SYT1: variants seen among roughly 807,000 people sequenced by gnomAD.
SYT1 encodes the protein synaptotagmin-1.
Under a neutral mutation model 44.8 loss-of-function variants are expected in SYT1, and 8 were observed. That is an observed-to-expected ratio of 0.18 (90% CI 0.10 to 0.32). The LOEUF is 0.32. Ranked by LOEUF, SYT1 falls within the 10% of genes least tolerant of loss-of-function variation. The probability of loss-of-function intolerance (pLI) is 1.00; values close to 1 mark genes in which losing one functional copy is unlikely to be tolerated. For synonymous variants in SYT1, 154 were observed against 188.8 expected, an observed-to-expected ratio of 0.82 and a Z score of 1.51; for missense variants, 286 against 509.3, an observed-to-expected ratio of 0.56 and a Z score of 4.22.
In SYT1 at chr12:79,165,027, G is replaced by A. The variant is rs553091796; in HGVS notation, c.-17-52476G>A. On this transcript the variant is annotated intron_variant, in intron 3 of 10. Transcript: ENST00000261205. ...AGAGGAATCTTATACTGGAATCCCT[G>A]TGGAAGTGAGAGGAAAGCAATAATA... 1.4e-4 allele frequency among the ~76,000 whole-genome samples: 22 copies of A among 152,130 alleles called. No homozygotes were observed. In the South Asian group the frequency reaches 4.6e-3, roughly 32 times the overall value.
chr12:79,345,005 G>A (rs916976758), intron 8 of SYT1, among the ~76,000 whole-genome samples: 3 of 152,102 alleles, frequency 2.0e-5, no homozygotes, highest in South Asian at 2.1e-4. Flanking sequence ...TGTTCAAGGG[G>A]TATAGTACTG....
intron 9 of SYT1, among the ~76,000 whole-genome samples, chr12:79,402,389 T>A (rs890234194): frequency 6.6e-6 from 1 of 152,110 alleles, no homozygotes; most frequent in African/African-American, 2.4e-5. Flanking sequence ...GGGTTTCAAG[T>A]TTGATAAAAT....
chr12:79,375,853 GA>G (rs920611912), intron 9 of SYT1, among the ~76,000 whole-genome samples: 11 of 148,670 alleles, frequency 7.4e-5, no homozygotes, highest in South Asian at 2.1e-4. Flanking sequence ...TGAATAAATG[GA>G]AAAAAAAAAT....
intron 1 of SYT1, among the ~76,000 whole-genome samples, chr12:78,909,402 T>TA: frequency 6.6e-6 from 1 of 152,058 alleles, no homozygotes; most frequent in Non-Finnish European, 1.5e-5. Flanking sequence ...TTTCGGTATT[T>TA]ATAATTCCTT....
chr12:79,210,858 G>A (rs761456223), intron 3 of SYT1, among the ~76,000 whole-genome samples: 7 of 151,384 alleles, frequency 4.6e-5, no homozygotes, highest in Non-Finnish European at 8.8e-5. Flanking sequence ...TTAGCCAGTG[G>A]CCATTTTACA....
chr12:79,450,159 TTATTA>T lies in SYT1; in HGVS notation c.*1039_*1043del, dbSNP rs1047073545. On this transcript the variant is annotated 3_prime_UTR_variant, in exon 11 of 11. Coordinates refer to ENST00000261205, the MANE Select transcript of SYT1 (RefSeq NM_005639.3). ...ACATTAGAGTTTGTAACAAAATATT[TTATTA>T]TATAAAACCAGGTTAGAAGGAATGC... The T allele has an allele frequency of 6.6e-4, 101 of 152,680 alleles. No homozygotes were observed. The highest frequency in any genetic ancestry group is 2.3e-3 in the African/African-American group (95 of 41,566). 9.5% of individuals were successfully genotyped at this position (152,680 alleles called of 1,614,324 possible).
At chr12:78,914,254 A>G (rs17046005) in intron 1 of SYT1, among the ~76,000 whole-genome samples, 3,818 of 151,934 alleles carry the variant, frequency 0.025, 178 homozygotes, top group African/African-American at 0.087. Flanking sequence ...TGCAGTGAAG[A>G]TACCCTGGAA....
At chr12:79,310,861 A>AT (rs1327615586) in intron 8 of SYT1, among the ~76,000 whole-genome samples, 1 of 152,144 alleles carries the variant, frequency 6.6e-6, no homozygotes, top group Middle Eastern at 3.2e-3. Flanking sequence ...TTGTACATTG[A>AT]TTTTGTATCC....
chr12:79,432,448 G>A (rs774754202), intron 9 of SYT1, among the ~76,000 whole-genome samples: 23 of 151,306 alleles, frequency 1.5e-4, no homozygotes, highest in Non-Finnish European at 2.5e-4. Flanking sequence ...CCACCTATGA[G>A]TGAGAACATG....
chr12:79,406,612 C>CACTGATCAACTAGTG (rs1449656283), intron 9 of SYT1, among the ~76,000 whole-genome samples: 1 of 152,142 alleles, frequency 6.6e-6, no homozygotes, highest in East Asian at 1.9e-4. Flanking sequence ...CTAAGTGTCA[C>CACTGATCAACTAGTG]TCACTCTGAT....
chr12:79,196,071 G>A (rs1329315591), intron 3 of SYT1, among the ~76,000 whole-genome samples: 1 of 152,142 alleles, frequency 6.6e-6, no homozygotes, highest in Non-Finnish European at 1.5e-5. Flanking sequence ...GACATCTCTT[G>A]CCCAGCCAGG....
At chr12:79,343,433 T>C (rs1266446248) in intron 8 of SYT1, among the ~76,000 whole-genome samples, 3 of 152,224 alleles carry the variant, frequency 2.0e-5, no homozygotes, top group African/African-American at 7.2e-5. Context: ...TACTAACTGA[T>C]GTAATTCTAC....
intron 8 of SYT1, among the ~76,000 whole-genome samples, chr12:79,316,950 C>T (rs1476088841): frequency 7.2e-5 from 11 of 152,120 alleles, no homozygotes; most frequent in Admixed American, 6.5e-4. Context: ...AGCCTCATTT[C>T]CACATATGTT....
intron 4 of SYT1, among the ~76,000 whole-genome samples, chr12:79,237,496 A>C (rs563489420): frequency 2.4e-4 from 37 of 152,328 alleles, no homozygotes; most frequent in African/African-American, 8.2e-4. Flanking sequence ...GTAGAACAGC[A>C]GTGTGTCATG....
At chr12:79,071,769 G>C (rs560553357) in intron 3 of SYT1, among the ~76,000 whole-genome samples, 14 of 152,122 alleles carry the variant, frequency 9.2e-5, no homozygotes, top group African/African-American at 3.1e-4. Flanking sequence ...CATTGTCTTT[G>C]TCTCTTCTGT....
intron 3 of SYT1, among the ~76,000 whole-genome samples, chr12:79,092,714 A>C (rs1362818649): frequency 1.3e-5 from 2 of 151,898 alleles, no homozygotes; most frequent in East Asian, 1.9e-4. Flanking sequence ...CAAAATCATC[A>C]GAAAACTATA....
intron 3 of SYT1, among the ~76,000 whole-genome samples, chr12:79,192,292 C>A (rs747599064): frequency 6.6e-6 from 1 of 152,114 alleles, no homozygotes; most frequent in Non-Finnish European, 1.5e-5. Context: ...GTAGGAAAAT[C>A]ATTGTTTGAT....
chr12:79,076,198 AG>A (rs1876636473), intron 3 of SYT1, among the ~76,000 whole-genome samples: 1 of 152,080 alleles, frequency 6.6e-6, no homozygotes, highest in African/African-American at 2.4e-5. Flanking sequence ...CTATTTGTTC[AG>A]ATTCTCCTCT....
chr12:79,082,504 G>A (rs1367207538), intron 3 of SYT1, among the ~76,000 whole-genome samples: 1 of 152,168 alleles, frequency 6.6e-6, no homozygotes, highest in Non-Finnish European at 1.5e-5. Context: ...GTACAACAGA[G>A]CAGAAGTCAG....
Sources: allele counts gnomAD v4.1 joint callset (sites outside exome capture counted in the v4.1 genomes callset), GRCh38; gene constraint gnomAD v4.1.1; transcripts MANE v1.5; gene names NCBI Gene and HGNC (gene_info 2026-07-23, HGNC 2026-07-21).